Variants in KIAA1549L observed in about 807,000 individuals in gnomAD.
KIAA1549L encodes the protein KIAA1549 like.
Under a neutral mutation model 160.7 loss-of-function variants are expected in KIAA1549L, and 88 were observed. The ratio of observed to expected loss-of-function variants is 0.55; its 90% CI spans 0.46 to 0.65. KIAA1549L has a LOEUF of 0.65. Among genes scored for constraint, KIAA1549L ranks in the 30% least tolerant of loss-of-function variants. The pLI, the probability that KIAA1549L is intolerant of heterozygous loss-of-function variation, is 0.00. For synonymous variants in KIAA1549L, 950 were observed against 976.7 expected (o/e 0.97, Z 0.51); for missense variants, 2,258 against 2,437.5 (o/e 0.93, Z 1.55).
intron 1 of KIAA1549L, among the ~76,000 whole-genome samples, chr11:33,515,347 T>A (rs1395709122): frequency 6.6e-6 from 1 of 152,256 alleles, no homozygotes; most frequent in East Asian, 1.9e-4. Context: ...CTTCCTGTTT[T>A]ATGTCACTTC....
chr11:33,415,187 G>A (rs73491188), intron 1 of KIAA1549L, among the ~76,000 whole-genome samples: 1,618 of 151,938 alleles, frequency 0.011, 28 homozygotes, highest in African/African-American at 0.037. Flanking sequence ...AGTTCAGGGC[G>A]TTAGACATTT....
Position 33,621,870 on chromosome 11 carries a change from G to C in KIAA1549L, c.5409+3208G>C, listed in dbSNP as rs532170415. Among the ~76,000 whole-genome samples, 327 of 152,352 alleles carry C rather than the reference G, an allele frequency of 2.1e-3. 2 individuals are homozygous for C. The highest frequency in any genetic ancestry group is 4.4e-3 in the Admixed American group (67 of 15,310). ...GAGTTTAAAAATCCGTGGCAGGAAA[G>C]GAGCCAGCTATGTGCCTTGGCTATG... On this transcript the variant is annotated intron_variant, in intron 16 of 20. Transcript: ENST00000658780.
At chr11:33,461,282 C>T (rs764085464) in intron 1 of KIAA1549L, among the ~76,000 whole-genome samples, 23 of 152,136 alleles carry the variant, frequency 1.5e-4, no homozygotes, top group South Asian at 4.1e-4. Context: ...GCATCTACCA[C>T]GTACCAGGCA....
At chr11:33,586,754 A>T (rs1036094472) in intron 11 of KIAA1549L, among the ~76,000 whole-genome samples, 1 of 152,156 alleles carries the variant, frequency 6.6e-6, no homozygotes. Context: ...TACCTATAGG[A>T]TAACTTACCC....
At chr11:33,609,361 C>T (rs1850587491) in intron 14 of KIAA1549L, among the ~76,000 whole-genome samples, 1 of 152,228 alleles carries the variant, frequency 6.6e-6, no homozygotes, top group South Asian at 2.1e-4. Flanking sequence ...ACTGGGTTCC[C>T]CAGGACTGGA....
intron 1 of KIAA1549L, among the ~76,000 whole-genome samples, chr11:33,457,929 G>C (rs1387026717): frequency 6.6e-6 from 1 of 152,206 alleles, no homozygotes; most frequent in Middle Eastern, 3.2e-3. Context: ...CTCTTCTACA[G>C]TCCAGAACGT....
chr11:33,521,701 CTT>C (rs1212499653), intron 1 of KIAA1549L, among the ~76,000 whole-genome samples: 1 of 152,194 alleles, frequency 6.6e-6, no homozygotes, highest in Non-Finnish European at 1.5e-5. Context: ...TTAGGCCTCT[CTT>C]AGACAAGAAA....
chr11:33,460,840 T>G (rs1851926908), intron 1 of KIAA1549L, among the ~76,000 whole-genome samples: 1 of 152,240 alleles, frequency 6.6e-6, no homozygotes, highest in African/African-American at 2.4e-5. Context: ...AAGTTCCTGG[T>G]CTTTGCTGTG....
intron 12 of KIAA1549L, among the ~76,000 whole-genome samples, chr11:33,598,200 G>A (rs1293638717): frequency 7.2e-6 from 1 of 138,804 alleles, no homozygotes. Flanking sequence ...TTGTGTGTGT[G>A]TGTGTGTGTG....
intron 16 of KIAA1549L, among the ~76,000 whole-genome samples, chr11:33,635,063 A>T (rs1290024599): frequency 1.3e-5 from 2 of 152,188 alleles, no homozygotes; most frequent in East Asian, 3.8e-4. Flanking sequence ...AGCTTCCAGG[A>T]TGCAGGCTTA....
chr11:33,543,737 A>AT lies in KIAA1549L; in HGVS notation c.2175dup (p.Gly726TrpfsTer5). On this transcript the variant is annotated frameshift_variant, in exon 2 of 21. Coordinates refer to ENST00000658780, the MANE Select transcript of KIAA1549L (RefSeq NM_012194.3). LOFTEE classifies it high-confidence loss of function. ...CAGCAGCAAACAAATTATGATTTAA[A>AT]TGGACACACAATTAGCACCACAAGT... The AT allele has an allele frequency of 6.2e-7, 1 of 1,614,060 alleles. No individual in the cohort carries two copies. Among genetic ancestry groups the AT allele is most frequent in the Non-Finnish European group, 8.5e-7 (1 of 1,179,894 alleles).
intron 14 of KIAA1549L, among the ~76,000 whole-genome samples, chr11:33,608,611 C>T (rs536150163): frequency 6.6e-6 from 1 of 152,366 alleles, no homozygotes; most frequent in South Asian, 2.1e-4. Flanking sequence ...TTCATCCCAG[C>T]TTAATGATGT....
intron 1 of KIAA1549L, among the ~76,000 whole-genome samples, chr11:33,509,375 C>A (rs948804844): frequency 6.6e-6 from 1 of 152,186 alleles, no homozygotes; most frequent in Admixed American, 6.5e-5. Flanking sequence ...CCAAAAAACC[C>A]AGCTTAGTTT....
chr11:33,618,636 C>A lies in KIAA1549L; in HGVS notation c.5383C>A (p.Arg1795Ser). Residue 1795 changes from arginine to serine, a missense_variant, in exon 16 of 21, where the codon CGT (arginine) becomes AGT (serine). Arg to Ser is a moderately radical substitution (Grantham distance 110). This residue lies in a region of KIAA1549L where 1,359 missense variants were observed against 1,546.6 expected (regional missense o/e 0.88). Coordinates refer to ENST00000658780, the MANE Select transcript of KIAA1549L (RefSeq NM_012194.3). Reference sequence around the variant, plus strand: ...TCTGGTGACTCGGGAGCGACCCCGGCGTGGAATCCGCAACAGCGGATACGA... The same window carrying A: ...TCTGGTGACTCGGGAGCGACCCCGGAGTGGAATCCGCAACAGCGGATACGA... ...DLLVTRERPR[R>S]GIRNSGYDTE... 1 of 1,599,482 alleles carries A rather than the reference C, an allele frequency of 6.3e-7. No individual in the cohort carries two copies. Among genetic ancestry groups the A allele is most frequent in the Non-Finnish European group, 8.5e-7 (1 of 1,172,314 alleles).
intron 15 of KIAA1549L, among the ~76,000 whole-genome samples, chr11:33,610,873 GCCTCCTTGCTGCATCAT>G: frequency 6.6e-6 from 1 of 152,334 alleles, no homozygotes. Flanking sequence ...ATCTGGCAGG[GCCTCCTTGCTGCATCAT>G]CCCATGGCAG....
intron 1 of KIAA1549L, among the ~76,000 whole-genome samples, chr11:33,433,864 C>T (rs534181440): frequency 6.6e-6 from 1 of 152,252 alleles, no homozygotes; most frequent in East Asian, 1.9e-4. Flanking sequence ...CACATGTTCT[C>T]ACTCATAAGT....
At chr11:33,384,539 G>GT (rs1299566202) in intron 1 of KIAA1549L, among the ~76,000 whole-genome samples, 1 of 152,152 alleles carries the variant, frequency 6.6e-6, no homozygotes, top group African/African-American at 2.4e-5. Flanking sequence ...TAGCTGTACA[G>GT]TTTTGCATTC....
chr11:33,566,247 C>T (rs944649105), intron 8 of KIAA1549L, among the ~76,000 whole-genome samples: 11 of 152,110 alleles, frequency 7.2e-5, no homozygotes, highest in Non-Finnish European at 1.2e-4. Flanking sequence ...TGACACCTCT[C>T]GACTGTCCTG....
chr11:33,587,855 A>G (rs905950929), intron 11 of KIAA1549L, among the ~76,000 whole-genome samples: 2 of 152,128 alleles, frequency 1.3e-5, no homozygotes, highest in Admixed American at 6.6e-5. Flanking sequence ...GGAGCCTCCC[A>G]CTTCCTCACA....
Sources: gnomAD v4.1 joint callset for allele counts (sites outside exome capture counted in the v4.1 genomes callset) on GRCh38, gnomAD v4.1.1 for gene constraint, gnomAD v4.1.1 regional missense constraint, MANE v1.5 for transcripts, NCBI Gene and HGNC (gene_info 2026-07-23, HGNC 2026-07-21) for gene names.